MYO9B: variants seen among roughly 807,000 people sequenced by gnomAD.
MYO9B encodes the protein unconventional myosin-IXb.
In MYO9B, 71 loss-of-function variants were observed where a neutral mutation model predicts 229.5. The ratio of observed to expected loss-of-function variants is 0.31; its 90% CI spans 0.26 to 0.38. MYO9B has a LOEUF of 0.38. Among genes scored for constraint, MYO9B ranks in the 10% least tolerant of loss-of-function variants. The pLI is 1.00. For missense variants in MYO9B, 2,255 were observed against 2,920.5 expected (o/e 0.77, Z 5.25); for synonymous variants, 1,185 against 1,235.8 (o/e 0.96, Z 0.86).
In MYO9B at chr19:17,147,672, ATTTTTTTTTTT is replaced by A. The variant is rs1027030377; in HGVS notation, c.935+2201_935+2211del. On this transcript the variant is annotated intron_variant, in intron 3 of 39. Coordinates refer to ENST00000682292, the MANE Select transcript of MYO9B (RefSeq NM_004145.4). ...CCACTGCGCCCAGACACTATGTTTA[ATTTTTTTTTTT>A]TTTTTTTTTTTTTTTTTTTGAGACA... 4.8e-4 allele frequency among the ~76,000 whole-genome samples: 39 copies of A among 81,240 alleles called. No homozygotes were observed. In the South Asian group the frequency reaches 0.011, roughly 23 times the overall value. The allele number at this position is 81,240 out of a possible 152,430, so 53.3% of individuals were successfully genotyped here.
At chr19:17,148,607 G>C (rs942800063) in intron 3 of MYO9B, among the ~76,000 whole-genome samples, 1 of 151,952 alleles carries the variant, frequency 6.6e-6, no homozygotes, top group African/African-American at 2.4e-5. Flanking sequence ...TTTTGGAGAC[G>C]GAATCTCACC....
chr19:17,134,263 C>A lies in MYO9B; in HGVS notation c.841-11134C>A, dbSNP rs759001777. Among the ~76,000 whole-genome samples, 17 of 151,640 alleles carry A rather than the reference C, an allele frequency of 1.1e-4. 1 individual carries two copies. Among genetic ancestry groups the A allele is most frequent in the South Asian group, 4.2e-4 (2 of 4,798 alleles). On this transcript the variant is annotated intron_variant, in intron 2 of 39. Transcript: ENST00000682292. ...GAGTTCAACTTTTAAAAATTCTACACGAGTGAGATCATGCAGTATTTGCCT... is the reference window on the plus strand; with the variant it reads ...GAGTTCAACTTTTAAAAATTCTACAAGAGTGAGATCATGCAGTATTTGCCT...
intron 1 of MYO9B, among the ~76,000 whole-genome samples, chr19:17,098,416 A>T (rs150804140): frequency 2.0e-5 from 3 of 151,456 alleles, no homozygotes; most frequent in African/African-American, 7.3e-5. Flanking sequence ...TAGGATAATC[A>T]CTCCTGCTGT....
At chr19:17,189,604 C>A (rs2072958280) in intron 19 of MYO9B, among the ~76,000 whole-genome samples, 1 of 152,038 alleles carries the variant, frequency 6.6e-6, no homozygotes, top group Non-Finnish European at 1.5e-5. Flanking sequence ...TGCACTCCAG[C>A]CTGGGCAAGA....
intron 3 of MYO9B, among the ~76,000 whole-genome samples, chr19:17,147,261 G>T (rs944178233): frequency 6.6e-6 from 1 of 152,176 alleles, no homozygotes; most frequent in Non-Finnish European, 1.5e-5. Context: ...CACAACATAA[G>T]GCCAGGCGTG....
In MYO9B at chr19:17,210,375, G is replaced by A; in HGVS notation, c.5791G>A (p.Val1931Ile). The A allele has an allele frequency of 1.3e-6, 2 of 1,596,266 alleles. No individual in the cohort carries two copies. The highest frequency in any genetic ancestry group is 8.5e-7 in the Non-Finnish European group (1 of 1,171,248). The change falls in exon 37 of 40, where the codon GTC (valine) becomes ATC (isoleucine). Residue 1931 changes from valine to isoleucine, a missense_variant. By Grantham distance (29) the Val-to-Ile change is conservative (BLOSUM62 3). Transcript: ENST00000682292. The part of the protein sequence containing the change: ...KLGFSSPYEG[V>I]LNKSPKTRDI... The stretch of plus-strand genomic sequence containing the variant: ...GGGGTTTTCGTCTCCCTATGAGGGG[G>A]TCCTGGTATGTACGCGTTCGGTGGG...
At chr19:17,137,225 CA>C (rs34273602) in intron 2 of MYO9B, among the ~76,000 whole-genome samples, 11,599 of 91,684 alleles carry the variant, frequency 0.13, 700 homozygotes, top group African/African-American at 0.25. Flanking sequence ...CAAACTGTCT[CA>C]AAAAAAAAAA....
rs1333716934 is a variant in MYO9B at position 17,094,926 on chromosome 19, G to A, written c.-58-6734G>A. ...CCACTGGACTCCAGCCTGGGCAACA[G>A]AATGAGATCCAGTCTCAAAAATAAA... is the stretch of plus-strand genomic sequence containing the variant. On this transcript the variant is annotated intron_variant, in intron 1 of 39. Coordinates refer to ENST00000682292, the MANE Select transcript of MYO9B (RefSeq NM_004145.4). Among the ~76,000 whole-genome samples the A allele has an allele frequency of 2.4e-4, 37 of 152,110 alleles. 1 individual carries two copies. Among genetic ancestry groups the A allele is most frequent in the Admixed American group, 2.4e-3 (37 of 15,244 alleles).
At chr19:17,145,994 G>A (rs190549530) in intron 3 of MYO9B, among the ~76,000 whole-genome samples, 73 of 151,934 alleles carry the variant, frequency 4.8e-4, no homozygotes, top group Non-Finnish European at 7.9e-4. Context: ...TAGAGAGACA[G>A]ATGGATTCAT....
chr19:17,197,878 AC>A lies in MYO9B; in HGVS notation c.4113+24del, dbSNP rs1252578006. On this transcript the variant is annotated intron_variant, in intron 23 of 39. Transcript: ENST00000682292. ...GCTCAGGTAACAACAACACGGCAAA[AC>A]CCCGTCTCCACTAAAAATACAAAAA... 1.2e-6 allele frequency: 2 copies of A among 1,611,494 alleles called. No individual in the cohort carries two copies. The highest frequency in any genetic ancestry group is 1.7e-5 in the Admixed American group (1 of 59,966).
chr19:17,180,341 A>ATCTTTTTTT (rs1555701612), intron 14 of MYO9B, among the ~76,000 whole-genome samples: 5 of 87,984 alleles, frequency 5.7e-5, no homozygotes, highest in East Asian at 3.2e-4. Flanking sequence ...GATGGAAATA[A>ATCTTTTTTT]TTTTTTTTTT....
rs576946060 is a variant in MYO9B at position 17,138,900 on chromosome 19, G to A, written c.841-6497G>A. 4.8e-4 allele frequency among the ~76,000 whole-genome samples: 73 copies of A among 152,250 alleles called. No homozygotes were observed. The Middle Eastern group carries it at 0.01, about 21-fold the overall frequency. ...CAAATAGATGTAGCTGGCCAGGTGC[G>A]GTGGCTCACGCCTGTAATCTCAGCA... On this transcript the variant is annotated intron_variant, in intron 2 of 39. Coordinates refer to ENST00000682292, the MANE Select transcript of MYO9B (RefSeq NM_004145.4).
rs1450679742 is a variant in MYO9B, at chr19:17,172,098, TAGC to T, written c.1794-234_1794-232del. ...CATGAGGCAGGCAGGCACACCCAGA[TAGC>T]AGCGTCCCAGCCCTCTGCCAGCATG... On this transcript the variant is annotated intron_variant, in intron 11 of 39. Transcript: ENST00000682292. This position sits in a 1 kb window ranked among gnomAD's most constrained non-coding sequence, Gnocchi z 8.2. 6.6e-6 allele frequency among the ~76,000 whole-genome samples: 1 copy of T among 151,980 alleles called. No individual in the cohort carries two copies. The highest frequency in any genetic ancestry group is 1.5e-5 in the Non-Finnish European group (1 of 67,982).
In MYO9B at chr19:17,137,767, A is replaced by G. The variant is rs145524476; in HGVS notation, c.841-7630A>G. On this transcript the variant is annotated intron_variant, in intron 2 of 39. Transcript: ENST00000682292. ...CAGATCCTTTTTTTTTATTTGAAAC[A>G]GAGTCTCGCTCTGTCGCCGAGGCTG... 2.5e-3 allele frequency among the ~76,000 whole-genome samples: 377 copies of G among 152,032 alleles called. 1 individual carries two copies. The highest frequency in any genetic ancestry group is 8.7e-3 in the African/African-American group (359 of 41,478).
At chr19:17,167,849 G>T in intron 10 of MYO9B, 94 bp from the exon 11 acceptor site, 1 of 1,464,212 alleles carries the variant, frequency 6.8e-7, no homozygotes, top group South Asian at 1.3e-5. Flanking sequence ...CAGATTTTCG[G>T]ATTAGGGATA....
In MYO9B at chr19:17,162,561, G is replaced by A. The variant is rs980354479; in HGVS notation, c.1536+95G>A. The A allele has an allele frequency of 3.4e-5, 36 of 1,073,292 alleles. No individual in the cohort carries two copies. The East Asian group carries it at 4.2e-4, about 12-fold the overall frequency. The allele number at this position is 1,073,292 out of a possible 1,614,324, so 66.5% of individuals were successfully genotyped here. A position where few individuals can be genotyped will look rare whatever the true frequency, so the allele number is the denominator to read the frequency against. On this transcript the variant is annotated intron_variant, in intron 9 of 39. Coordinates refer to ENST00000682292, the MANE Select transcript of MYO9B (RefSeq NM_004145.4). ...TGGGCGACCTGGAACATCCGGAGCCGAGGCATCTGCAATCAAGAGGCTGTT... is the reference window on the plus strand; with the variant it reads ...TGGGCGACCTGGAACATCCGGAGCCAAGGCATCTGCAATCAAGAGGCTGTT...
chr19:17,202,986 T>C, intron 29 of MYO9B, 103 bp downstream of exon 29: 1 of 1,442,412 alleles, frequency 6.9e-7, no homozygotes, highest in Middle Eastern at 1.7e-4. Context: ...TCTGCACGCG[T>C]ATGTGTGCGT....
intron 22 of MYO9B, among the ~76,000 whole-genome samples, chr19:17,196,148 G>A (rs2073040030): frequency 7.6e-6 from 1 of 130,960 alleles, no homozygotes; most frequent in South Asian, 2.9e-4. Context: ...ATGTGTGGGT[G>A]GGTGGGTGGG....
At chr19:17,189,582 T>C (rs1171646631) in intron 19 of MYO9B, among the ~76,000 whole-genome samples, 1 of 151,600 alleles carries the variant, frequency 6.6e-6, no homozygotes, top group Non-Finnish European at 1.5e-5. Flanking sequence ...CAGTAAGCCA[T>C]GTTTGCACCA....
Sources: gnomAD v4.1 joint callset for allele counts (sites outside exome capture counted in the v4.1 genomes callset) on GRCh38, gnomAD v4.1.1 for gene constraint, Gnocchi (gnomAD v3.1) non-coding constraint, MANE v1.5 for transcripts, NCBI Gene and HGNC (gene_info 2026-07-23, HGNC 2026-07-21) for gene names.